Variants in CSMD1 observed in about 807,000 individuals in gnomAD.
CSMD1 encodes the protein CUB and Sushi multiple domains 1.
Under a neutral mutation model 417.5 loss-of-function variants are expected in CSMD1, and 213 were observed. That is an observed-to-expected ratio of 0.51 (90% CI 0.46 to 0.57). The LOEUF (loss-of-function observed/expected upper bound fraction) is 0.57. Ranked by LOEUF, CSMD1 falls within the 20% of genes least tolerant of loss-of-function variation. The probability of loss-of-function intolerance (pLI) is 0.00; values close to 1 mark genes in which losing one functional copy is unlikely to be tolerated. For missense variants in CSMD1, 6,923 were observed against 4,529.7 expected (o/e 1.53, Z -15.17); for synonymous variants, 2,862 against 1,736.8 (o/e 1.65, Z -16.11).
Position 3,593,051 on chromosome 8 carries a change from TG to T in CSMD1, c.1098-6792del, listed in dbSNP as rs1015346010. On this transcript the variant is annotated intron_variant, in intron 8 of 69. Transcript: ENST00000635120. ...GGCAGGAGAGGCTGGAAGCCCTGGC[TG>T]GGGGGTCCTGCCCAGTGAGAAGGAA... Among the ~76,000 whole-genome samples, 5 of 152,250 alleles carry T rather than the reference TG, an allele frequency of 3.3e-5. No homozygotes were observed. In the East Asian group the frequency reaches 5.8e-4, roughly 18 times the overall value.
At position 3,681,914 on chromosome 8, in the gene CSMD1, A is replaced by C. The variant is rs540088283; in HGVS notation, c.1009+26500T>G. The stretch of plus-strand genomic sequence containing the variant: ...CATCTACGACTATCTGATCTTTGAC[A>C]AATCTGACAAAAACAAGAAATGGGG... On this transcript the variant is annotated intron_variant, in intron 7 of 69. Coordinates refer to ENST00000635120, the MANE Select transcript of CSMD1 (RefSeq NM_033225.6). Among the ~76,000 whole-genome samples the C allele has an allele frequency of 5.7e-4, 87 of 152,328 alleles. 1 individual carries two copies. Among genetic ancestry groups the C allele is most frequent in the African/African-American group, 1.9e-3 (77 of 41,562 alleles).
chr8:4,058,146 T>C (rs975692286), intron 3 of CSMD1, among the ~76,000 whole-genome samples: 15 of 152,180 alleles, frequency 9.9e-5, no homozygotes, highest in African/African-American at 2.7e-4. Context: ...TTTCACGATA[T>C]TGACTCTTCC....
intron 46 of CSMD1, among the ~76,000 whole-genome samples, chr8:3,103,271 C>T (rs1394019604): frequency 6.6e-6 from 1 of 152,180 alleles, no homozygotes; most frequent in Non-Finnish European, 1.5e-5. Flanking sequence ...AATAAAAACT[C>T]TCTTCCTCCT....
chr8:4,521,500 G>A (rs371519222), intron 2 of CSMD1, among the ~76,000 whole-genome samples: 3 of 152,092 alleles, frequency 2.0e-5, no homozygotes, highest in African/African-American at 4.8e-5. Flanking sequence ...ATTCTACTTC[G>A]AAGATTTAAT....
intron 50 of CSMD1, among the ~76,000 whole-genome samples, chr8:3,045,533 G>C (rs1050378761): frequency 1.3e-5 from 2 of 152,164 alleles, no homozygotes; most frequent in Non-Finnish European, 1.5e-5. Flanking sequence ...AGATTTTAGA[G>C]AAAATTAGGC....
At chr8:3,892,968 T>TG (rs1554476681) in intron 5 of CSMD1, among the ~76,000 whole-genome samples, 2 of 148,778 alleles carry the variant, frequency 1.3e-5, no homozygotes, top group Non-Finnish European at 3.0e-5. Flanking sequence ...ACCACAGTGA[T>TG]AAAAAAAAAA....
intron 68 of CSMD1, among the ~76,000 whole-genome samples, chr8:2,946,610 C>T (rs1339397054): frequency 2.0e-5 from 3 of 152,174 alleles, no homozygotes; most frequent in African/African-American, 4.8e-5. Context: ...CATTGTATGG[C>T]TATATTACAT....
chr8:4,067,082 G>T (rs1236316356), intron 3 of CSMD1, among the ~76,000 whole-genome samples: 1 of 152,244 alleles, frequency 6.6e-6, no homozygotes, highest in Non-Finnish European at 1.5e-5. Flanking sequence ...TTCAGACACA[G>T]AGAAGGGTAC....
chr8:3,046,902 A>AAATGTGTAG (rs1811482324), intron 50 of CSMD1, among the ~76,000 whole-genome samples: 1 of 152,192 alleles, frequency 6.6e-6, no homozygotes, highest in Non-Finnish European at 1.5e-5. Flanking sequence ...TAGCTTAGAT[A>AAATGTGTAG]AATGTCTAGA....
At chr8:4,480,326 C>G (rs1445104137) in intron 2 of CSMD1, among the ~76,000 whole-genome samples, 1 of 152,082 alleles carries the variant, frequency 6.6e-6, no homozygotes, top group African/African-American at 2.4e-5. Flanking sequence ...GTTTCTGCAG[C>G]CTTTGAGAAA....
intron 10 of CSMD1, among the ~76,000 whole-genome samples, chr8:3,498,642 T>C (rs186519399): frequency 6.6e-6 from 1 of 152,222 alleles, no homozygotes; most frequent in Non-Finnish European, 1.5e-5. Context: ...ATGGGAATAT[T>C]TGTCCCCTGC....
At chr8:2,945,249 C>T (rs912676677) in intron 68 of CSMD1, among the ~76,000 whole-genome samples, 1 of 152,106 alleles carries the variant, frequency 6.6e-6, no homozygotes, top group African/African-American at 2.4e-5. Context: ...GTGATTATTT[C>T]TCTTTTCTTA....
intron 1 of CSMD1, among the ~76,000 whole-genome samples, chr8:4,686,527 C>A (rs1734854794): frequency 6.6e-6 from 1 of 152,206 alleles, no homozygotes; most frequent in African/African-American, 2.4e-5. Context: ...CAGCGAAGAA[C>A]CTGAGCAAAC....
intron 5 of CSMD1, among the ~76,000 whole-genome samples, chr8:3,948,602 T>C (rs762855070): frequency 4.6e-5 from 7 of 152,158 alleles, no homozygotes; most frequent in Non-Finnish European, 1.0e-4. Context: ...GAACGTGTTT[T>C]AACATCAATT....
chr8:4,443,687 G>A (rs1054830481), intron 2 of CSMD1, among the ~76,000 whole-genome samples: 25 of 152,104 alleles, frequency 1.6e-4, no homozygotes, highest in Non-Finnish European at 1.0e-4. Flanking sequence ...ATTCAATCCT[G>A]CAATTCCCAA....
At chr8:4,704,385 C>G (rs957842140) in intron 1 of CSMD1, among the ~76,000 whole-genome samples, 1 of 152,174 alleles carries the variant, frequency 6.6e-6, no homozygotes, top group Non-Finnish European at 1.5e-5. Context: ...GTAAGAATCT[C>G]AGTTGTTTAT....
At chr8:4,608,866 G>C (rs11995970) in intron 2 of CSMD1, among the ~76,000 whole-genome samples, 3,198 of 152,270 alleles carry the variant, frequency 0.021, 96 homozygotes, top group African/African-American at 0.068. Context: ...CAGGGAACTA[G>C]AAAACATTTG....
intron 5 of CSMD1, among the ~76,000 whole-genome samples, chr8:3,831,689 GT>G (rs1563124650): frequency 1.3e-5 from 2 of 152,070 alleles, no homozygotes; most frequent in African/African-American, 4.8e-5. Flanking sequence ...AAGGATATAT[GT>G]TTGGAATGCC....
At chr8:4,436,821 T>C (rs1563171295) in intron 2 of CSMD1, among the ~76,000 whole-genome samples, 1 of 152,208 alleles carries the variant, frequency 6.6e-6, no homozygotes, top group Non-Finnish European at 1.5e-5. Context: ...TCTCCAGCTC[T>C]AGCCATGTTG....
Sources: allele counts gnomAD v4.1 joint callset (sites outside exome capture counted in the v4.1 genomes callset), GRCh38; gene constraint gnomAD v4.1.1; transcripts MANE v1.5; gene names NCBI Gene and HGNC (gene_info 2026-07-23, HGNC 2026-07-21).